RALYL: variants seen among roughly 807,000 people sequenced by gnomAD.
RALYL encodes RNA-binding Raly-like protein.
Under a neutral mutation model 35.1 loss-of-function variants are expected in RALYL, and 29 were observed. The observed-to-expected ratio is 0.83, with a 90% CI of 0.61 to 1.13. The LOEUF (loss-of-function observed/expected upper bound fraction) is 1.13. RALYL is among the 50% of genes most tolerant of loss of function. RALYL has a pLI of 0.00. For missense variants in RALYL, 359 were observed against 360.4 expected (o/e 1.00, Z 0.03); for synonymous variants, 120 against 127.6 (o/e 0.94, Z 0.40).
In RALYL at chr8:84,920,962, C is replaced by T. The variant is rs954278125; in HGVS notation, c.*51C>T. ...AGCAGAAAAGAGAAACTGTGACAAC[C>T]CCCAGAAATGTGAAAGGAGGTTTCT... On this transcript the variant is annotated 3_prime_UTR_variant, in exon 9 of 9. Coordinates refer to ENST00000521268, the MANE Select transcript of RALYL (RefSeq NM_173848.7). The T allele has an allele frequency of 6.6e-6, 8 of 1,217,894 alleles. No individual in the cohort carries two copies. In the African/African-American group the frequency reaches 1.1e-4, roughly 17 times the overall value. 75.4% of individuals were successfully genotyped at this position (1,217,894 alleles called of 1,614,324 possible).
chr8:84,544,868 TGATG>T (rs1229586536), intron 2 of RALYL, among the ~76,000 whole-genome samples: 2 of 152,226 alleles, frequency 1.3e-5, no homozygotes, highest in Admixed American at 1.3e-4. Flanking sequence ...TTTCCCCATC[TGATG>T]GATGATGATA....
chr8:84,869,863 G>A lies in RALYL; in HGVS notation c.572-3421G>A, dbSNP rs550277472. On this transcript the variant is annotated intron_variant, in intron 6 of 8. Coordinates refer to ENST00000521268, the MANE Select transcript of RALYL (RefSeq NM_173848.7). ...TTATATAGACAGATGATATCATCCC[G>A]TGTGCCTAATATTCTTTTTGGATTA... Among the ~76,000 whole-genome samples, 9 of 152,176 alleles carry A rather than the reference G, an allele frequency of 5.9e-5. No homozygotes were observed. In the South Asian group the frequency reaches 8.3e-4, roughly 14 times the overall value.
intron 1 of RALYL, among the ~76,000 whole-genome samples, chr8:84,299,719 A>T (rs983897006): frequency 6.6e-6 from 1 of 152,020 alleles, no homozygotes; most frequent in Non-Finnish European, 1.5e-5. Flanking sequence ...GCCAGGAATT[A>T]TCCATTTATT....
intron 1 of RALYL, among the ~76,000 whole-genome samples, chr8:84,465,530 T>C: frequency 4.1e-5 from 2 of 48,500 alleles, no homozygotes; most frequent in Non-Finnish European, 8.1e-5. Context: ...TACCATGCTG[T>C]TTTGGTTACT....
chr8:84,706,506 G>A (rs1841243199), intron 2 of RALYL, among the ~76,000 whole-genome samples: 1 of 152,128 alleles, frequency 6.6e-6, no homozygotes, highest in African/African-American at 2.4e-5. Flanking sequence ...TCAGAATGGA[G>A]GGGAGAGAGT....
chr8:84,572,412 C>T (rs1808225891), intron 2 of RALYL, among the ~76,000 whole-genome samples: 1 of 151,490 alleles, frequency 6.6e-6, no homozygotes, highest in African/African-American at 2.4e-5. Flanking sequence ...CTTACCTGTC[C>T]TTTTATGATG....
At chr8:84,609,124 C>T (rs757860958) in intron 2 of RALYL, among the ~76,000 whole-genome samples, 6 of 152,038 alleles carry the variant, frequency 3.9e-5, no homozygotes, top group East Asian at 1.9e-4. Flanking sequence ...TTCTGAAAAA[C>T]GTTCACCTTT....
At chr8:84,627,754 A>G (rs1243385364) in intron 2 of RALYL, among the ~76,000 whole-genome samples, 1 of 151,944 alleles carries the variant, frequency 6.6e-6, no homozygotes, top group African/African-American at 2.4e-5. Flanking sequence ...TCCCACCATA[A>G]TGAATGATAT....
At chr8:84,773,594 C>A (rs1467934517) in intron 2 of RALYL, among the ~76,000 whole-genome samples, 1 of 143,358 alleles carries the variant, frequency 7.0e-6, no homozygotes, top group Non-Finnish European at 1.6e-5. Flanking sequence ...TTGTCACATA[C>A]TTAAACCTCT....
chr8:84,680,334 G>A (rs1248522093), intron 2 of RALYL, among the ~76,000 whole-genome samples: 3 of 152,142 alleles, frequency 2.0e-5, no homozygotes, highest in Non-Finnish European at 4.4e-5. Flanking sequence ...CTTTATAGCA[G>A]CATGATTTAT....
intron 2 of RALYL, among the ~76,000 whole-genome samples, chr8:84,688,671 G>C (rs1234182196): frequency 6.6e-6 from 1 of 152,052 alleles, no homozygotes; most frequent in Non-Finnish European, 1.5e-5. Context: ...TCTGGGCAAT[G>C]CTTTTTTACT....
chr8:84,568,415 T>C (rs2061948317), intron 2 of RALYL, among the ~76,000 whole-genome samples: 2 of 151,822 alleles, frequency 1.3e-5, no homozygotes, highest in Non-Finnish European at 2.9e-5. Context: ...TTCCATGGTG[T>C]GTATGTGCCA....
intron 2 of RALYL, among the ~76,000 whole-genome samples, chr8:84,609,744 C>G (rs1350451357): frequency 6.6e-6 from 1 of 151,996 alleles, no homozygotes; most frequent in East Asian, 1.9e-4. Context: ...ATTATTGAAC[C>G]AATGTTGATG....
At chr8:84,481,161 G>T (rs2053997768) in intron 1 of RALYL, among the ~76,000 whole-genome samples, 1 of 152,150 alleles carries the variant, frequency 6.6e-6, no homozygotes. Context: ...CAATTTTTAA[G>T]AGATGATTAA....
chr8:84,406,086 A>G (rs2043463288), intron 1 of RALYL, among the ~76,000 whole-genome samples: 1 of 151,760 alleles, frequency 6.6e-6, no homozygotes, highest in Non-Finnish European at 1.5e-5. Flanking sequence ...AGAATAACAA[A>G]AAGTTAACTG....
intron 1 of RALYL, among the ~76,000 whole-genome samples, chr8:84,319,885 A>C (rs766696364): frequency 6.6e-6 from 1 of 152,010 alleles, no homozygotes; most frequent in Non-Finnish European, 1.5e-5. Flanking sequence ...AAATTCTTTA[A>C]GGTAATTTGT....
chr8:84,214,578 C>A (rs1274551632), intron 1 of RALYL, among the ~76,000 whole-genome samples: 4 of 152,022 alleles, frequency 2.6e-5, no homozygotes, highest in African/African-American at 7.2e-5. Flanking sequence ...CTGTGAGAGG[C>A]AATTTAATAT....
intron 7 of RALYL, among the ~76,000 whole-genome samples, chr8:84,880,918 T>A (rs1238885795): frequency 3.3e-5 from 5 of 151,944 alleles, no homozygotes; most frequent in African/African-American, 1.2e-4. Flanking sequence ...GAGACCTAGT[T>A]TAACTTACTA....
intron 1 of RALYL, among the ~76,000 whole-genome samples, chr8:84,198,938 G>A (rs1816136462): frequency 6.6e-6 from 1 of 152,144 alleles, no homozygotes; most frequent in South Asian, 2.1e-4. Flanking sequence ...TGGCTGTTGT[G>A]AACAGTGCTG....
Sources: gnomAD v4.1 joint callset for allele counts (sites outside exome capture counted in the v4.1 genomes callset) on GRCh38, gnomAD v4.1.1 for gene constraint, MANE v1.5 for transcripts, NCBI Gene and HGNC (gene_info 2026-07-23, HGNC 2026-07-21) for gene names.